Variants in GFRA2 observed in about 807,000 individuals in gnomAD.
GFRA2 encodes GDNF family receptor alpha-2.
A neutral mutation model predicts 48.3 loss-of-function variants in GFRA2; 17 were observed. That is an observed-to-expected ratio of 0.35 (90% CI 0.24 to 0.53). GFRA2 has a LOEUF of 0.53. Ranked by LOEUF, GFRA2 falls within the 20% of genes least tolerant of loss-of-function variation. The pLI, the probability that GFRA2 is intolerant of heterozygous loss-of-function variation, is 0.93. For synonymous variants in GFRA2, 305 were observed against 257.2 expected (o/e 1.19, Z -1.78); for missense variants, 660 against 637.3 (o/e 1.04, Z -0.38).
chr8:21,778,031 C>T (rs2117721320), intron 2 of GFRA2, among the ~76,000 whole-genome samples: 1 of 152,208 alleles, frequency 6.6e-6, no homozygotes, highest in East Asian at 1.9e-4. Flanking sequence ...TGACTGCATA[C>T]TGAGAGCTAA....
intron 3 of GFRA2, among the ~76,000 whole-genome samples, chr8:21,765,710 G>T (rs900424751): frequency 3.3e-5 from 5 of 151,930 alleles, no homozygotes; most frequent in Admixed American, 3.3e-4. Flanking sequence ...AGATCTAATT[G>T]GCAACTCCAC....
chr8:21,699,088 C>T (rs1802346821), intron 7 of GFRA2, among the ~76,000 whole-genome samples: 1 of 152,234 alleles, frequency 6.6e-6, no homozygotes, highest in Admixed American at 6.5e-5. Context: ...CCTGTCAATC[C>T]TCCAGCACCG....
chr8:21,746,455 G>A lies in GFRA2; in HGVS notation c.794+4133C>T, dbSNP rs575005221. 5.9e-5 allele frequency among the ~76,000 whole-genome samples: 9 copies of A among 152,128 alleles called. No homozygotes were observed. In the South Asian group the frequency reaches 1.0e-3, roughly 18 times the overall value. ...GAAAGAGGGATTGGAAGAATGCCCT[G>A]CTTCAAGATCAGGAGCTCACCCAGC... On this transcript the variant is annotated intron_variant, in intron 4 of 8. Coordinates refer to ENST00000524240, the MANE Select transcript of GFRA2 (RefSeq NM_001495.5).
intron 1 of GFRA2, 56 bp from the exon 2 acceptor site, chr8:21,782,955 C>G (rs1195779443): frequency 6.8e-7 from 1 of 1,473,522 alleles, no homozygotes. Context: ...ATCTCCCACC[C>G]AAGATGCAGG....
At chr8:21,766,675 G>C (rs1421918871) in intron 3 of GFRA2, among the ~76,000 whole-genome samples, 3 of 122,648 alleles carry the variant, frequency 2.4e-5, no homozygotes, top group Non-Finnish European at 5.3e-5. Flanking sequence ...ATGAACAGGG[G>C]CCTGGGGGGT....
At chr8:21,806,208 T>C (rs539807837) in intron 1 of GFRA2, among the ~76,000 whole-genome samples, 10 of 152,370 alleles carry the variant, frequency 6.6e-5, no homozygotes, top group Admixed American at 4.6e-4. Flanking sequence ...AAACTTCTGA[T>C]GGTTCAACTT....
At chr8:21,743,674 G>A (rs958125848) in intron 4 of GFRA2, among the ~76,000 whole-genome samples, 5 of 152,130 alleles carry the variant, frequency 3.3e-5, no homozygotes, top group African/African-American at 4.8e-5. Context: ...CACTCCTCCC[G>A]CTATAGATAA....
Position 21,794,233 on chromosome 8 carries a change from C to CTTTTTT in GFRA2, c.-35-6045_-35-6040dup, listed in dbSNP as rs1159236794. On this transcript the variant is annotated intron_variant, in intron 2 of 10. Transcript: ENST00000517328. ...AAAATTAAGCTTATCCTGAGAGTGA[C>CTTTTTT]TTTTTTTTTTTTTTTTTTTTTTTTT... Among the ~76,000 whole-genome samples, 19 of 66,992 alleles carry CTTTTTT rather than the reference C, an allele frequency of 2.8e-4. 1 individual carries two copies. Among genetic ancestry groups the CTTTTTT allele is most frequent in the African/African-American group, 8.3e-4 (14 of 16,804 alleles). 43.9% of individuals were successfully genotyped at this position (66,992 alleles called of 152,430 possible).
chr8:21,756,664 C>T (rs987736241), intron 3 of GFRA2, among the ~76,000 whole-genome samples: 2 of 152,198 alleles, frequency 1.3e-5, no homozygotes, highest in African/African-American at 4.8e-5. Context: ...ATTCTAAATA[C>T]AAACCTCACC....
intron 4 of GFRA2, among the ~76,000 whole-genome samples, chr8:21,725,807 C>G (rs563543700): frequency 6.6e-6 from 1 of 152,212 alleles, no homozygotes. Context: ...CGCCGGTCCT[C>G]TCAGAGGCAT....
intron 3 of GFRA2, among the ~76,000 whole-genome samples, chr8:21,752,794 T>C (rs1243651379): frequency 6.6e-6 from 1 of 152,164 alleles, no homozygotes; most frequent in Admixed American, 6.5e-5. Context: ...TGGAAACAAC[T>C]GCATCCTTCC....
chr8:21,798,662 G>A lies in GFRA2; in HGVS notation c.-36+6355C>T, dbSNP rs891509773. Among the ~76,000 whole-genome samples, 9 of 152,294 alleles carry A rather than the reference G, an allele frequency of 5.9e-5. No individual in the cohort carries two copies. The East Asian group carries it at 1.4e-3, about 23-fold the overall frequency. ...GAAATGTAAGCAATGCCCTGCAGAC[G>A]TAAGAACCTGTTGACTTTTCCAGGC... is the stretch of plus-strand genomic sequence containing the variant. On this transcript the variant is annotated intron_variant, in intron 2 of 10. Coordinates refer to the GFRA2 transcript ENST00000517328.
At chr8:21,760,879 G>A (rs574596413) in intron 3 of GFRA2, among the ~76,000 whole-genome samples, 230 of 152,262 alleles carry the variant, frequency 1.5e-3, no homozygotes, top group African/African-American at 5.3e-3. Flanking sequence ...CTGATTTCAC[G>A]GAAGGCAAGA....
intron 4 of GFRA2, among the ~76,000 whole-genome samples, chr8:21,713,052 G>T (rs1022062465): frequency 6.8e-5 from 9 of 132,548 alleles, no homozygotes; most frequent in African/African-American, 2.9e-4. Flanking sequence ...AGAGGGAGAG[G>T]GAGACGAGGG....
intron 7 of GFRA2, among the ~76,000 whole-genome samples, chr8:21,701,704 C>T (rs550972111): frequency 6.6e-6 from 1 of 152,336 alleles, no homozygotes; most frequent in East Asian, 1.9e-4. Flanking sequence ...TCACCCATAT[C>T]TCCACTGAGA....
At chr8:21,787,252 C>A (rs1232690093) in intron 1 of GFRA2, among the ~76,000 whole-genome samples, 1 of 94,540 alleles carries the variant, frequency 1.1e-5, no homozygotes, top group Admixed American at 1.2e-4. Context: ...TCCTCCCTGT[C>A]TTGGAGGCGG....
At chr8:21,803,387 C>G (rs112947765) in intron 2 of GFRA2, among the ~76,000 whole-genome samples, 3,063 of 152,298 alleles carry the variant, frequency 0.02, 91 homozygotes, top group African/African-American at 0.068. Context: ...GCATCAAGAG[C>G]TCTGCCACAG....
intron 4 of GFRA2, among the ~76,000 whole-genome samples, chr8:21,715,806 C>T (rs138931140): frequency 1.3e-5 from 2 of 152,274 alleles, no homozygotes; most frequent in African/African-American, 4.8e-5. Flanking sequence ...ACAATTCTAG[C>T]CTCATAATCC....
intron 7 of GFRA2, 127 bp downstream of exon 7, chr8:21,702,678 C>A: frequency 2.3e-6 from 2 of 881,746 alleles, no homozygotes; most frequent in Non-Finnish European, 3.3e-6. Flanking sequence ...CCCCCGGCAG[C>A]TCCTCCCTGC....
Sources: gnomAD v4.1 joint callset for allele counts (sites outside exome capture counted in the v4.1 genomes callset) on GRCh38, gnomAD v4.1.1 for gene constraint, MANE v1.5 for transcripts, NCBI Gene and HGNC (gene_info 2026-07-23, HGNC 2026-07-21) for gene names.